Variants in ALPK1 observed in about 807,000 individuals in gnomAD.
The protein encoded by ALPK1 is alpha-protein kinase 1.
A neutral mutation model predicts 120.6 loss-of-function variants in ALPK1; 110 were observed. That is an observed-to-expected ratio of 0.91 (90% confidence interval 0.78 to 1.07). The LOEUF (loss-of-function observed/expected upper bound fraction) is 1.07, where lower values mean the gene tolerates loss of function less well. Ranked by LOEUF, ALPK1 falls within the 50% of genes least tolerant of loss-of-function variation. ALPK1 has a pLI of 0.00. For missense variants in ALPK1, 1,498 were observed against 1,483.9 expected, an observed-to-expected ratio of 1.01 and a Z score of -0.16; for synonymous variants, 582 against 560.3, an observed-to-expected ratio of 1.04 and a Z score of -0.55.
chr4:112,333,161 G>T (rs964790754), intron 2 of ALPK1, among the ~76,000 whole-genome samples: 1 of 152,178 alleles, frequency 6.6e-6, no homozygotes, highest in Non-Finnish European at 1.5e-5. Context: ...TGAAGCTAAA[G>T]GTCCTTGCAG....
intron 5 of ALPK1, among the ~76,000 whole-genome samples, chr4:112,419,752 G>T (rs906759030): frequency 5.9e-5 from 9 of 152,236 alleles, no homozygotes; most frequent in African/African-American, 2.2e-4. Context: ...ATCTGAGATA[G>T]TGGTATCTCT....
intron 1 of ALPK1, among the ~76,000 whole-genome samples, chr4:112,311,703 C>T (rs901835166): frequency 9.9e-5 from 15 of 152,192 alleles, no homozygotes; most frequent in South Asian, 4.1e-4. Flanking sequence ...TCCCTCCTTC[C>T]GGCTATCAAC....
intron 4 of ALPK1, among the ~76,000 whole-genome samples, chr4:112,404,901 C>G (rs1296979723): frequency 6.6e-6 from 1 of 152,174 alleles, no homozygotes; most frequent in Non-Finnish European, 1.5e-5. Context: ...TTTAGTCTCC[C>G]TACCGAAGCA....
chr4:112,377,878 G>T lies in ALPK1; in HGVS notation c.101G>T (p.Ser34Ile). The T allele has an allele frequency of 6.2e-7, 1 of 1,613,052 alleles. No homozygotes were observed. The highest frequency in any genetic ancestry group is 8.5e-7 in the Non-Finnish European group (1 of 1,179,328). ...CCAGATGTGTCGGAAGAGGACAAGA[G>T]CGAGGACCAGCGCTGCAGAGGTGAG... is the stretch of plus-strand genomic sequence containing the variant. The part of the protein sequence containing the change: ...EAPDVSEEDK[S>I]EDQRCRALLP... Residue 34 changes from serine (S) to isoleucine (I), a missense_variant, in exon 3 of 16, where the codon AGC becomes ATC. Transcript: ENST00000650871.
chr4:112,358,777 A>C, intron 2 of ALPK1: 1 of 824,920 alleles, frequency 1.2e-6, no homozygotes, highest in Non-Finnish European at 2.2e-6. Flanking sequence ...AACACGGCCA[A>C]GCTCTTCATG....
chr4:112,342,553 G>A (rs1729907019), intron 2 of ALPK1, among the ~76,000 whole-genome samples: 1 of 151,996 alleles, frequency 6.6e-6, no homozygotes, highest in Non-Finnish European at 1.5e-5. Context: ...CATGACCTCA[G>A]GCTCCTAAAA....
intron 2 of ALPK1, chr4:112,357,394 C>T: frequency 1.4e-6 from 1 of 694,218 alleles, no homozygotes; most frequent in Non-Finnish European, 2.6e-6. Context: ...AAGTGCACAT[C>T]CATCCTGATG....
At chr4:112,420,536 G>C (rs1733944627) in intron 5 of ALPK1, among the ~76,000 whole-genome samples, 1 of 152,174 alleles carries the variant, frequency 6.6e-6, no homozygotes, top group Non-Finnish European at 1.5e-5. Context: ...TGAACTAAAA[G>C]ACAAGTTACC....
chr4:112,393,430 G>T (rs546708505), intron 4 of ALPK1, among the ~76,000 whole-genome samples: 1 of 152,178 alleles, frequency 6.6e-6, no homozygotes, highest in Admixed American at 6.5e-5. Context: ...CAACCATGTA[G>T]ATCTTACAGA....
chr4:112,311,986 T>C (rs1427570916), intron 1 of ALPK1, among the ~76,000 whole-genome samples: 1 of 152,162 alleles, frequency 6.6e-6, no homozygotes, highest in Non-Finnish European at 1.5e-5. Context: ...ACAGTGTTTT[T>C]TTTCTAAATC....
intron 3 of ALPK1, among the ~76,000 whole-genome samples, chr4:112,381,587 G>A (rs1238425429): frequency 2.0e-5 from 3 of 152,152 alleles, no homozygotes; most frequent in Non-Finnish European, 4.4e-5. Flanking sequence ...TGCATGTACT[G>A]TACATCACAT....
At chr4:112,346,235 TC>T (rs1265033777) in intron 2 of ALPK1, among the ~76,000 whole-genome samples, 3 of 152,238 alleles carry the variant, frequency 2.0e-5, no homozygotes, top group African/African-American at 7.2e-5. Flanking sequence ...TTCTTTAATA[TC>T]ATTTATTATA....
At chr4:112,335,689 G>C (rs926371118) in intron 2 of ALPK1, among the ~76,000 whole-genome samples, 6 of 152,160 alleles carry the variant, frequency 3.9e-5, no homozygotes, top group African/African-American at 1.4e-4. Context: ...TTCAATGACA[G>C]TATAATCTCT....
rs113605915 is a variant in ALPK1 at position 112,350,425 on chromosome 4, C to A, written c.-100-27253C>A. On this transcript the variant is annotated intron_variant, in intron 2 of 15. Coordinates refer to ENST00000650871, the MANE Select transcript of ALPK1 (RefSeq NM_025144.4). ...GTACGTATCACACCAACATCGGGAC[C>A]CTCCCTCCTCCTACTCCATCCCTGG... 6.8e-4 allele frequency among the ~76,000 whole-genome samples: 103 copies of A among 152,236 alleles called. 1 individual carries two copies. The highest frequency in any genetic ancestry group is 2.3e-3 in the African/African-American group (94 of 41,538).
chr4:112,311,104 C>T (rs17589493), intron 1 of ALPK1, among the ~76,000 whole-genome samples: 12,476 of 152,154 alleles, frequency 0.082, 803 homozygotes, highest in Admixed American at 0.21. Context: ...TACAAAAAAG[C>T]GCTCACTTGG....
chr4:112,379,600 C>T (rs1207298717), intron 3 of ALPK1, among the ~76,000 whole-genome samples: 4 of 152,226 alleles, frequency 2.6e-5, no homozygotes, highest in African/African-American at 4.8e-5. Context: ...GTGCCGCCAC[C>T]GATGTCGTCA....
intron 5 of ALPK1, 182 bp from the exon 6 acceptor site, chr4:112,423,762 A>G: frequency 1.4e-6 from 1 of 717,798 alleles, no homozygotes; most frequent in Admixed American, 2.0e-5. Flanking sequence ...ACTTAGGAAA[A>G]CTTCATCTTT....
chr4:112,409,808 C>T (rs1328643295), intron 4 of ALPK1, among the ~76,000 whole-genome samples: 1 of 152,134 alleles, frequency 6.6e-6, no homozygotes, highest in African/African-American at 2.4e-5. Context: ...CATTGAGCTT[C>T]CGTCACATGG....
At chr4:112,368,293 AATTCTT>A (rs1462276430) in intron 2 of ALPK1, among the ~76,000 whole-genome samples, 5 of 152,154 alleles carry the variant, frequency 3.3e-5, no homozygotes, top group African/African-American at 9.6e-5. Flanking sequence ...TATTTCTAGA[AATTCTT>A]ATTCTTAATC....
Sources: allele counts gnomAD v4.1 joint callset (sites outside exome capture counted in the v4.1 genomes callset), GRCh38; gene constraint gnomAD v4.1.1; transcripts MANE v1.5; gene names NCBI Gene and HGNC (gene_info 2026-07-23, HGNC 2026-07-21).